PTPN14: variants seen among roughly 807,000 people sequenced by gnomAD.
PTPN14 encodes the protein protein tyrosine phosphatase non-receptor type 14.
PTPN14 carries 53 observed loss-of-function variants against 126.8 expected under a neutral mutation model. The observed-to-expected ratio is 0.42, with a 90% CI of 0.34 to 0.53. The LOEUF is 0.53. Among genes scored for constraint, PTPN14 ranks in the 20% least tolerant of loss-of-function variants. PTPN14 has a pLI of 0.08. For missense variants in PTPN14, 1,257 were observed against 1,552.9 expected (o/e 0.81, Z 3.20); for synonymous variants, 630 against 599.3 (o/e 1.05, Z -0.75).
At chr1:214,480,662 C>G (rs113351390) in intron 1 of PTPN14, among the ~76,000 whole-genome samples, 1 of 152,170 alleles carries the variant, frequency 6.6e-6, no homozygotes, top group Non-Finnish European at 1.5e-5. Context: ...ACCTCAACCT[C>G]GGAAGCAGAT....
At chr1:214,484,579 G>A (rs1661071470) in intron 1 of PTPN14, among the ~76,000 whole-genome samples, 1 of 152,102 alleles carries the variant, frequency 6.6e-6, no homozygotes, top group South Asian at 2.1e-4. Context: ...TGAAACAAGG[G>A]GGTTTCAGAA....
At chr1:214,465,019 T>G in intron 1 of PTPN14, 62 bp from the exon 2 acceptor site, 1 of 472,282 alleles carries the variant, frequency 2.1e-6, no homozygotes, top group Non-Finnish European at 3.8e-6. Flanking sequence ...TGGTACCATA[T>G]TCCACACACA....
intron 1 of PTPN14, among the ~76,000 whole-genome samples, chr1:214,543,444 T>C (rs1655891225): frequency 6.6e-6 from 1 of 152,222 alleles, no homozygotes; most frequent in South Asian, 2.1e-4. Flanking sequence ...TGAACAAAGA[T>C]AATAAGATAT....
rs768814834 is a variant in PTPN14, at chr1:214,384,170, T to G, written c.1685A>C (p.Tyr562Ser). The change falls in exon 13 of 19, where the codon TAT becomes TCT. Residue 562 changes from tyrosine (Y) to serine (S), a missense_variant. Coordinates refer to ENST00000366956, the MANE Select transcript of PTPN14 (RefSeq NM_005401.5). This position sits in a 1 kb window ranked among gnomAD's most constrained non-coding sequence, Gnocchi z 5.3. ...NYSTAHMLKN[Y>S]LFRPPPPYPR... ...GTAGGGGGGCGGTGGCCTGAAGAGA[T>G]AGTTCTTAAGCATGTGGGCCGTGCT... The G allele has an allele frequency of 1.1e-4, 170 of 1,594,418 alleles. No homozygotes were observed. Among genetic ancestry groups the G allele is most frequent in the African/African-American group, 2.7e-4 (20 of 74,672 alleles).
At chr1:214,477,326 G>T (rs1007907717) in intron 1 of PTPN14, among the ~76,000 whole-genome samples, 1 of 152,154 alleles carries the variant, frequency 6.6e-6, no homozygotes, top group South Asian at 2.1e-4. Flanking sequence ...AGACATGGTC[G>T]TGCTGCTCAT....
chr1:214,444,416 G>C (rs1660098558), intron 3 of PTPN14, among the ~76,000 whole-genome samples: 1 of 152,204 alleles, frequency 6.6e-6, no homozygotes, highest in South Asian at 2.1e-4. Flanking sequence ...AAGACTTGAA[G>C]GGAGTCCCTG....
At chr1:214,481,717 G>A (rs1660992366) in intron 1 of PTPN14, among the ~76,000 whole-genome samples, 1 of 151,928 alleles carries the variant, frequency 6.6e-6, no homozygotes, top group Admixed American at 6.6e-5. Flanking sequence ...TAGGCGCGGT[G>A]GCTCACGCCT....
chr1:214,440,392 T>C (rs1660013196), intron 3 of PTPN14, among the ~76,000 whole-genome samples: 1 of 152,248 alleles, frequency 6.6e-6, no homozygotes, highest in Non-Finnish European at 1.5e-5. Flanking sequence ...TATAAGACGC[T>C]TGGTACTCTT....
chr1:214,383,765 G>A lies in PTPN14; in HGVS notation c.2090C>T (p.Thr697Ile). 6.2e-7 allele frequency: 1 copy of A among 1,613,308 alleles called. No homozygotes were observed. The highest frequency in any genetic ancestry group is 8.5e-7 in the Non-Finnish European group (1 of 1,180,022). ...GATTAGCATAGTGGCATCAGAGAAG[G>A]TCTTCTTGTGGTGATACTGAGGGAG... ...PQLPQYHHKK[T>I]FSDATMLIHS... The change falls in exon 13 of 19, where the codon ACC (threonine) becomes ATC (isoleucine). Residue 697 changes from threonine (T) to isoleucine (I), a missense_variant. Around this residue, in one of 3 missense-constraint regions of PTPN14, gnomAD observed 1,021 missense variants for 1,183.3 expected, o/e 0.86. Transcript: ENST00000366956. This position sits in a 1 kb window ranked among gnomAD's most constrained non-coding sequence, Gnocchi z 4.4.
At chr1:214,547,204 G>C (rs546693501) in intron 1 of PTPN14, among the ~76,000 whole-genome samples, 1 of 152,206 alleles carries the variant, frequency 6.6e-6, no homozygotes, top group East Asian at 1.9e-4. Context: ...GCTGGTCTGG[G>C]CAAGATACAT....
At chr1:214,484,465 A>T (rs1037398042) in intron 1 of PTPN14, among the ~76,000 whole-genome samples, 1 of 152,210 alleles carries the variant, frequency 6.6e-6, no homozygotes, top group Non-Finnish European at 1.5e-5. Flanking sequence ...GAGATGGCTG[A>T]GTTAAAGTGG....
At chr1:214,391,531 T>C (rs1658751760) in intron 10 of PTPN14, among the ~76,000 whole-genome samples, 1 of 152,150 alleles carries the variant, frequency 6.6e-6, no homozygotes, top group South Asian at 2.1e-4. Flanking sequence ...AGATAACACA[T>C]TTTACAAACA....
intron 1 of PTPN14, among the ~76,000 whole-genome samples, chr1:214,550,240 A>G (rs993572105): frequency 2.0e-5 from 3 of 152,214 alleles, no homozygotes; most frequent in Non-Finnish European, 4.4e-5. Flanking sequence ...TGTTGGATGA[A>G]TGAGTAAACT....
intron 2 of PTPN14, among the ~76,000 whole-genome samples, chr1:214,457,502 T>C (rs1289054642): frequency 6.6e-6 from 1 of 152,200 alleles, no homozygotes; most frequent in Non-Finnish European, 1.5e-5. Context: ...ATATCATTTA[T>C]CCTTCTTCCA....
At chr1:214,365,006 T>C (rs1658048375) in intron 17 of PTPN14, among the ~76,000 whole-genome samples, 1 of 152,042 alleles carries the variant, frequency 6.6e-6, no homozygotes, top group Non-Finnish European at 1.5e-5. Flanking sequence ...AAGCAGATGA[T>C]TCTAGACATT....
At chr1:214,488,927 G>C (rs151162972) in intron 1 of PTPN14, among the ~76,000 whole-genome samples, 2 of 152,138 alleles carry the variant, frequency 1.3e-5, no homozygotes, top group Non-Finnish European at 2.9e-5. Context: ...ACTTGTCACC[G>C]CTTCTCGAAA....
chr1:214,487,709 A>C (rs186190959), intron 1 of PTPN14, among the ~76,000 whole-genome samples: 2 of 152,314 alleles, frequency 1.3e-5, no homozygotes. Context: ...TATACTTTGC[A>C]ATTAGTCTGT....
At position 214,384,166 on chromosome 1, in the gene PTPN14, G is replaced by C; in HGVS notation, c.1689C>G (p.Leu563=). ...GTGGGTAGGGGGGCGGTGGCCTGAA[G>C]AGATAGTTCTTAAGCATGTGGGCCG... ...YSTAHMLKNY[L]FRPPPPYPRP... The change falls in exon 13 of 19, where the codon CTC becomes CTG. Residue 563 remains leucine (L), a synonymous_variant. Transcript: ENST00000366956. The surrounding 1 kb of genome is among the most constrained non-coding windows in gnomAD (Gnocchi z 5.3). The C allele has an allele frequency of 6.3e-7, 1 of 1,592,216 alleles. No individual in the cohort carries two copies. Among genetic ancestry groups the C allele is most frequent in the Non-Finnish European group, 8.5e-7 (1 of 1,170,464 alleles).
Position 214,372,771 on chromosome 1 carries a change from G to T in PTPN14, c.2976C>A (p.Asp992Glu), listed in dbSNP as rs1270134770. ...CCTGCTCCCACACCATCTGCCAGAA[G>T]TCGTGGCACGTGTGTGGCAGGGGCC... ...TQGPLPHTCH[D>E]FWQMVWEQGV... The change falls in exon 16 of 19, where the codon GAC becomes GAA. Residue 992 changes from aspartate (D) to glutamate (E), a missense_variant. Transcript: ENST00000366956. 3.1e-6 allele frequency: 5 copies of T among 1,614,204 alleles called. No individual in the cohort carries two copies. The highest frequency in any genetic ancestry group is 4.2e-6 in the Non-Finnish European group (5 of 1,180,040).
Sources: gnomAD v4.1 joint callset for allele counts (sites outside exome capture counted in the v4.1 genomes callset) on GRCh38, gnomAD v4.1.1 for gene constraint, gnomAD v4.1.1 regional missense constraint, Gnocchi (gnomAD v3.1) non-coding constraint, MANE v1.5 for transcripts, NCBI Gene and HGNC (gene_info 2026-07-23, HGNC 2026-07-21) for gene names.